Variants in CPSF7 observed in about 807,000 individuals in gnomAD.
CPSF7 encodes cleavage and polyadenylation specific factor 7.
In CPSF7, 1 loss-of-function variant was observed where a neutral mutation model predicts 44.3. The observed-to-expected ratio is 0.02, with a 90% CI of 0.01 to 0.11. CPSF7 has a LOEUF of 0.11. CPSF7 is among the 10% of genes least tolerant of loss of function. The probability of loss-of-function intolerance (pLI) is 1.00; values close to 1 mark genes in which losing one functional copy is unlikely to be tolerated. For missense variants in CPSF7, 443 were observed against 607.2 expected, an observed-to-expected ratio of 0.73 and a Z score of 2.84; for synonymous variants, 202 against 222.0, an observed-to-expected ratio of 0.91 and a Z score of 0.80.
chr11:61,407,686 C>T (rs969726786), intron 9 of CPSF7, among the ~76,000 whole-genome samples: 1 of 152,184 alleles, frequency 6.6e-6, no homozygotes, highest in Non-Finnish European at 1.5e-5. Context: ...CAACAGAGAA[C>T]AGAGACAAAA....
Position 61,403,829 on chromosome 11 carries a change from C to T in CPSF7, c.*881G>A, listed in dbSNP as rs1859082325. ...GTCCCCATCTCCCAATGGGCAGTACCTTCCTCTAAAACAAGGAAGTAGCCT... is the reference window on the plus strand; with the variant it reads ...GTCCCCATCTCCCAATGGGCAGTACTTTCCTCTAAAACAAGGAAGTAGCCT... On this transcript the variant is annotated 3_prime_UTR_variant, in exon 10 of 10. Coordinates refer to ENST00000439958, the MANE Select transcript of CPSF7 (RefSeq NM_001142565.3). The T allele has an allele frequency of 6.6e-6, 1 of 152,562 alleles. No homozygotes were observed. The highest frequency in any genetic ancestry group is 2.4e-5 in the African/African-American group (1 of 41,452). 9.5% of individuals were successfully genotyped at this position (152,562 alleles called of 1,614,324 possible). A position where few individuals can be genotyped will look rare whatever the true frequency, so the allele number is the denominator to read the frequency against.
In CPSF7 at chr11:61,403,802, A is replaced by G; in HGVS notation, c.*908T>C. 6.6e-6 allele frequency: 1 copy of G among 152,590 alleles called. No individual in the cohort carries two copies. Among genetic ancestry groups the G allele is most frequent in the Non-Finnish European group, 1.5e-5 (1 of 68,040 alleles). 9.5% of individuals were successfully genotyped at this position (152,590 alleles called of 1,614,324 possible). A position where few individuals can be genotyped will look rare whatever the true frequency, so the allele number is the denominator to read the frequency against. ...AGGGTTCTTCATTGCTGAGGTCCCAATGTCCCCATCTCCCAATGGGCAGTA... is the reference window on the plus strand; with the variant it reads ...AGGGTTCTTCATTGCTGAGGTCCCAGTGTCCCCATCTCCCAATGGGCAGTA... On this transcript the variant is annotated 3_prime_UTR_variant, in exon 10 of 10. Transcript: ENST00000439958.
Position 61,423,374 on chromosome 11 carries a change from T to G in CPSF7, c.55-1766A>C, listed in dbSNP as rs528724407. Among the ~76,000 whole-genome samples the G allele has an allele frequency of 5.9e-5, 9 of 152,166 alleles. No homozygotes were observed. The East Asian group carries it at 1.6e-3, about 26-fold the overall frequency. ...TTTTAGTAGAGATGGGGTTTCACCA[T>G]GTTGGTCAGGCTGGTCTCAAACCCT... On this transcript the variant is annotated intron_variant, in intron 2 of 9. Coordinates refer to ENST00000439958, the MANE Select transcript of CPSF7 (RefSeq NM_001142565.3).
In CPSF7 at chr11:61,404,024, G is replaced by C. The variant is rs1252880375; in HGVS notation, c.*686C>G. Reference sequence around the variant, plus strand: ...CATAGGCCTTCTCTGCTTAGGAGGGGCAAGTCCACTGAGAAGGCTGGGCAG... The same window carrying C: ...CATAGGCCTTCTCTGCTTAGGAGGGCCAAGTCCACTGAGAAGGCTGGGCAG... On this transcript the variant is annotated 3_prime_UTR_variant, in exon 10 of 10. Transcript: ENST00000439958. The C allele has an allele frequency of 6.6e-6, 1 of 152,652 alleles. No individual in the cohort carries two copies. Among genetic ancestry groups the C allele is most frequent in the African/African-American group, 2.4e-5 (1 of 41,438 alleles). The allele number at this position is 152,652 out of a possible 1,614,324, so 9.5% of individuals were successfully genotyped here. A position where few individuals can be genotyped will look rare whatever the true frequency, so the allele number is the denominator to read the frequency against.
intron 9 of CPSF7, among the ~76,000 whole-genome samples, chr11:61,408,682 CT>C (rs1565098999): frequency 6.6e-6 from 1 of 152,120 alleles, no homozygotes; most frequent in Admixed American, 6.6e-5. Context: ...AGGATGCAAC[CT>C]AAAGACACAG....
At chr11:61,424,733 G>GT (rs1408539460) in intron 2 of CPSF7, among the ~76,000 whole-genome samples, 1 of 152,180 alleles carries the variant, frequency 6.6e-6, no homozygotes, top group African/African-American at 2.4e-5. Flanking sequence ...GATTACAGGC[G>GT]TAAGCCACTG....
chr11:61,422,483 T>C (rs1274646336), intron 2 of CPSF7, among the ~76,000 whole-genome samples: 2 of 151,984 alleles, frequency 1.3e-5, no homozygotes, highest in South Asian at 4.1e-4. Context: ...CCCAGCTAAT[T>C]TTCAAATTTT....
chr11:61,413,051 C>A (rs1859993531), intron 7 of CPSF7, among the ~76,000 whole-genome samples: 1 of 152,010 alleles, frequency 6.6e-6, no homozygotes, highest in Non-Finnish European at 1.5e-5. Flanking sequence ...AACTCCTGGG[C>A]TCAAGCCATC....
In CPSF7 at chr11:61,421,362, C is replaced by G. The variant is rs753593914; in HGVS notation, c.273+28G>C. 6.3e-6 allele frequency: 10 copies of G among 1,595,464 alleles called. No homozygotes were observed. In the South Asian group the frequency reaches 1.1e-4, roughly 18 times the overall value. ...CCAGTGCTCTCCCTCCAGCCCACCC[C>G]TAAGCATTTTTGGTTACCCACACTC... On this transcript the variant is annotated intron_variant, in intron 3 of 9. Transcript: ENST00000439958.
At chr11:61,424,115 A>T (rs1490990997) in intron 2 of CPSF7, among the ~76,000 whole-genome samples, 1 of 152,238 alleles carries the variant, frequency 6.6e-6, no homozygotes, top group Non-Finnish European at 1.5e-5. Context: ...AGCTTGTTCC[A>T]TGTAGTCAAA....
rs146399364 is a variant in CPSF7, at chr11:61,410,711, C to T, written c.*5+227G>A. On this transcript the variant is annotated intron_variant, in intron 9 of 9. Transcript: ENST00000439958. Reference sequence around the variant, plus strand: ...TGAATGCAGACACCATACTCTCACTCAGATACCAGGTTAAGGCAGTCAAGA... The same window carrying T: ...TGAATGCAGACACCATACTCTCACTTAGATACCAGGTTAAGGCAGTCAAGA... 1.0e-3 allele frequency: 391 copies of T among 390,304 alleles called. 8 individuals carry two copies. The South Asian group carries it at 0.017, about 17-fold the overall frequency. 24.2% of individuals were successfully genotyped at this position (390,304 alleles called of 1,614,324 possible). A position where few individuals can be genotyped will look rare whatever the true frequency, so the allele number is the denominator to read the frequency against.
At chr11:61,420,237 GAGAC>G (rs1436061447) in intron 4 of CPSF7, 143 bp from the exon 5 acceptor site, 8 of 729,630 alleles carry the variant, frequency 1.1e-5, no homozygotes, top group Admixed American at 2.9e-5. Context: ...TAACAACAAA[GAGAC>G]AGCCTAAATC....
intron 4 of CPSF7, 134 bp downstream of exon 4, chr11:61,420,336 A>T: frequency 1.2e-6 from 1 of 811,982 alleles, no homozygotes. Context: ...TCCCTTTCTA[A>T]GGCAGTTTGC....
Position 61,423,063 on chromosome 11 carries a change from G to GT in CPSF7, c.55-1456dup, listed in dbSNP as rs1415473300. Among the ~76,000 whole-genome samples the GT allele has an allele frequency of 2.5e-5, 3 of 119,908 alleles. No homozygotes were observed. In the East Asian group the frequency reaches 9.1e-4, roughly 36 times the overall value. The allele number at this position is 119,908 out of a possible 152,430, so 78.7% of individuals were successfully genotyped here. A position where few individuals can be genotyped will look rare whatever the true frequency, so the allele number is the denominator to read the frequency against. ...GATCACTCGAGCCCGGGAGGTTGAG[G>GT]TTGCAGTGAGCCAGCCTGGGCAACA... On this transcript the variant is annotated intron_variant, in intron 2 of 9. Coordinates refer to ENST00000439958, the MANE Select transcript of CPSF7 (RefSeq NM_001142565.3).
At chr11:61,425,231 G>T (rs895066298) in intron 2 of CPSF7, among the ~76,000 whole-genome samples, 3 of 152,232 alleles carry the variant, frequency 2.0e-5, no homozygotes, top group Non-Finnish European at 4.4e-5. Context: ...AAATTGTTTG[G>T]ATTTTAATCC....
intron 5 of CPSF7, among the ~76,000 whole-genome samples, chr11:61,419,324 T>C (rs1860639791): frequency 6.6e-6 from 1 of 152,130 alleles, no homozygotes; most frequent in African/African-American, 2.4e-5. Flanking sequence ...GCCCGGCCTG[T>C]AACTTTCTTT....
intron 9 of CPSF7, among the ~76,000 whole-genome samples, chr11:61,409,060 A>G (rs1428149812): frequency 6.6e-6 from 1 of 151,984 alleles, no homozygotes; most frequent in Non-Finnish European, 1.5e-5. Context: ...GGATCACCTG[A>G]GCCCAGGAGG....
chr11:61,425,925 G>A (rs1316497916), intron 2 of CPSF7, among the ~76,000 whole-genome samples: 3 of 152,132 alleles, frequency 2.0e-5, no homozygotes, highest in Non-Finnish European at 4.4e-5. Flanking sequence ...CTTATTGATG[G>A]ACATAAGGAA....
At chr11:61,415,255 A>C (rs1326017467) in intron 7 of CPSF7, among the ~76,000 whole-genome samples, 1 of 152,042 alleles carries the variant, frequency 6.6e-6, no homozygotes, top group Non-Finnish European at 1.5e-5. Context: ...ACAAACAAAA[A>C]AACACATTAT....
Sources: gnomAD v4.1 joint callset for allele counts (sites outside exome capture counted in the v4.1 genomes callset) on GRCh38, gnomAD v4.1.1 for gene constraint, MANE v1.5 for transcripts, NCBI Gene and HGNC (gene_info 2026-07-23, HGNC 2026-07-21) for gene names.